The following DNAJC27 variants were observed in gnomAD, a reference collection of about 807,000 sequenced individuals.
DNAJC27 encodes DnaJ heat shock protein family (Hsp40) member C27, also known as dnaJ homolog subfamily C member 27.
A neutral mutation model predicts 31.4 loss-of-function variants in DNAJC27; 25 were observed. That is an observed-to-expected ratio of 0.80 (90% CI 0.58 to 1.11). The LOEUF (loss-of-function observed/expected upper bound fraction) is 1.11, where lower values mean the gene tolerates loss of function less well. Among genes scored for constraint, DNAJC27 ranks in the 50% most tolerant of loss-of-function variants. The pLI, the probability that DNAJC27 is intolerant of heterozygous loss-of-function variation, is 0.00. For synonymous variants in DNAJC27, 106 were observed against 112.7 expected, an observed-to-expected ratio of 0.94 and a Z score of 0.37; for missense variants, 356 against 347.3, an observed-to-expected ratio of 1.02 and a Z score of -0.20.
chr2:24,955,651 A>C (rs1470612234), intron 5 of DNAJC27, among the ~76,000 whole-genome samples: 5 of 152,224 alleles, frequency 3.3e-5, no homozygotes, highest in Admixed American at 6.5e-5. Flanking sequence ...AAAACCAAAG[A>C]AAAGAGAAAC....
intron 1 of DNAJC27, chr2:24,971,506 G>A (rs1360734435): frequency 1.8e-5 from 4 of 225,474 alleles, no homozygotes; most frequent in South Asian, 1.4e-4. Context: ...CTAGAACGCG[G>A]GCAAGGTATC....
upstream of DNAJC27, chr2:24,972,071 C>T (rs1666361658): frequency 2.4e-5 from 12 of 507,080 alleles, no homozygotes; most frequent in South Asian, 3.2e-4. Context: ...CGGTTGGGAG[C>T]GTGGGGAGCC....
In DNAJC27 at chr2:24,946,067, T is replaced by A. The variant is rs1247858038; in HGVS notation, c.*1549A>T. The A allele has an allele frequency of 1.3e-5, 2 of 152,206 alleles. No individual in the cohort carries two copies. Among genetic ancestry groups the A allele is most frequent in the Non-Finnish European group, 2.9e-5 (2 of 68,038 alleles). The allele number at this position is 152,206 out of a possible 1,614,324, so 9.4% of individuals were successfully genotyped here. ...GTTGCAGCTAAAAGTATGAGTGATG[T>A]AACAAGAATGACGACGTAATGAGTC... On this transcript the variant is annotated 3_prime_UTR_variant, in exon 7 of 7. Transcript: ENST00000264711.
At chr2:24,968,669 A>G (rs1392727338) in intron 1 of DNAJC27, among the ~76,000 whole-genome samples, 1 of 152,100 alleles carries the variant, frequency 6.6e-6, no homozygotes, top group Non-Finnish European at 1.5e-5. Flanking sequence ...AAAGGAATGT[A>G]ATAGGAATCC....
intron 1 of DNAJC27, among the ~76,000 whole-genome samples, chr2:24,971,209 T>A (rs1666328173): frequency 1.3e-5 from 2 of 152,058 alleles, no homozygotes; most frequent in African/African-American, 4.8e-5. Context: ...GAACCACAGA[T>A]GGGGCAGAGA....
At chr2:24,959,333 C>A (rs917803470) in intron 3 of DNAJC27, among the ~76,000 whole-genome samples, 1 of 152,270 alleles carries the variant, frequency 6.6e-6, no homozygotes, top group South Asian at 2.1e-4. Flanking sequence ...CGTTTTGAAT[C>A]CTTCCTCCCA....
At chr2:24,953,704 A>G (rs1032086778) in intron 5 of DNAJC27, 8 of 181,510 alleles carry the variant, frequency 4.4e-5, no homozygotes, top group Non-Finnish European at 8.4e-5. Context: ...TATCAGTAAG[A>G]CTGTCTTCTA....
At chr2:24,948,325 A>G (rs113803788) in intron 6 of DNAJC27, among the ~76,000 whole-genome samples, 1 of 152,188 alleles carries the variant, frequency 6.6e-6, no homozygotes, top group African/African-American at 2.4e-5. Flanking sequence ...GTACAAGTTT[A>G]GATTAAGGTA....
At chr2:24,960,217 G>A (rs1433413842) in intron 3 of DNAJC27, among the ~76,000 whole-genome samples, 1 of 152,126 alleles carries the variant, frequency 6.6e-6, no homozygotes, top group Non-Finnish European at 1.5e-5. Context: ...GATCATCTGT[G>A]ATCAGTGATA....
upstream of DNAJC27, chr2:24,972,002 C>G (rs774618261): frequency 1.3e-5 from 11 of 874,308 alleles, no homozygotes; most frequent in Non-Finnish European, 1.8e-5. Context: ...CCGCTGCTCT[C>G]GTCACCGCCT....
Position 24,944,972 on chromosome 2 carries a change from A to G in DNAJC27, c.*2644T>C, listed in dbSNP as rs902118255. On this transcript the variant is annotated 3_prime_UTR_variant, in exon 7 of 7. Coordinates refer to ENST00000264711, the MANE Select transcript of DNAJC27 (RefSeq NM_016544.3). ...ACAAGATTCTCTATAAAAACGTTTT[A>G]GCCATTGTAATTATTCTGCTAGCTG... is the stretch of plus-strand genomic sequence containing the variant. 4 of 152,592 alleles carry G rather than the reference A, an allele frequency of 2.6e-5. No individual in the cohort carries two copies. The highest frequency in any genetic ancestry group is 9.6e-5 in the African/African-American group (4 of 41,460). 9.5% of individuals were successfully genotyped at this position (152,592 alleles called of 1,614,324 possible).
rs1665949468 is a variant in DNAJC27 at position 24,957,977 on chromosome 2, T to C, written c.241-3A>G. 6.2e-7 allele frequency: 1 copy of C among 1,609,286 alleles called. No individual in the cohort carries two copies. ...TCCTTGTAAAACTCATTTCGAACCT[T>C]CAAATAAAAGGACAGATACACAAAA... On this transcript the variant is annotated splice_polypyrimidine_tract_variant and splice_region_variant and intron_variant, in intron 3 of 6. Transcript: ENST00000264711.
At chr2:24,954,957 C>T (rs922131851) in intron 5 of DNAJC27, among the ~76,000 whole-genome samples, 15 of 152,128 alleles carry the variant, frequency 9.9e-5, no homozygotes, top group South Asian at 2.1e-4. Context: ...AAAAAACCAA[C>T]GGTCTTCTGA....
At chr2:24,967,002 T>C (rs1666200954) in intron 2 of DNAJC27, among the ~76,000 whole-genome samples, 1 of 152,230 alleles carries the variant, frequency 6.6e-6, no homozygotes, top group African/African-American at 2.4e-5. Flanking sequence ...GCCTGGTGAA[T>C]GGGATGTGCT....
chr2:24,958,847 G>A (rs942970406), intron 3 of DNAJC27, among the ~76,000 whole-genome samples: 2 of 152,074 alleles, frequency 1.3e-5, no homozygotes, highest in Non-Finnish European at 2.9e-5. Flanking sequence ...TGGGGTTTCC[G>A]GGACAAAGTT....
In DNAJC27 at chr2:24,947,637, G is replaced by A; in HGVS notation, c.801C>T (p.Ala267=). ...CTTTCTACTTGATGTTTTTCAGGAG[G>A]GCTGTCCGAGCATTCACAACTGCTT... ...AFKAVVNART[A]LLKNIK is the part of the protein sequence containing the mutation. The change falls in exon 7 of 7, where the codon GCC becomes GCT. Residue 267 remains alanine, a synonymous_variant. Coordinates refer to ENST00000264711, the MANE Select transcript of DNAJC27 (RefSeq NM_016544.3). The A allele has an allele frequency of 6.2e-7, 1 of 1,605,956 alleles. No individual in the cohort carries two copies. Among genetic ancestry groups the A allele is most frequent in the South Asian group, 1.1e-5 (1 of 90,366 alleles).
chr2:24,966,020 A>C (rs1188163535), intron 2 of DNAJC27, among the ~76,000 whole-genome samples: 1 of 152,192 alleles, frequency 6.6e-6, no homozygotes, highest in African/African-American at 2.4e-5. Context: ...ATAACAATAC[A>C]AGGCAATTTT....
At chr2:24,964,177 G>A (rs531113303) in intron 2 of DNAJC27, among the ~76,000 whole-genome samples, 5 of 152,000 alleles carry the variant, frequency 3.3e-5, no homozygotes, top group East Asian at 3.9e-4. Context: ...TCCCAGCACT[G>A]TGGGAGGCCG....
At chr2:24,971,712 G>GCGGAGAGGAGGCCGGGC (rs889055997) in intron 1 of DNAJC27, 106 bp downstream of exon 1, 8 of 961,356 alleles carry the variant, frequency 8.3e-6, no homozygotes, top group Non-Finnish European at 1.2e-5. Flanking sequence ...CTGCTCGGGG[G>GCGGAGAGGAGGCCGGGC]CGGAGAGGAG....
Sources: gnomAD v4.1 joint callset for allele counts (sites outside exome capture counted in the v4.1 genomes callset) on GRCh38, gnomAD v4.1.1 for gene constraint, MANE v1.5 for transcripts, NCBI Gene and HGNC (gene_info 2026-07-23, HGNC 2026-07-21) for gene names.